Variants in GPR137C observed in about 807,000 individuals in gnomAD.
GPR137C encodes the protein integral membrane protein GPR137C.
GPR137C carries 27 observed loss-of-function variants against 43.4 expected under a neutral mutation model. The ratio of observed to expected loss-of-function variants is 0.62; its 90% confidence interval spans 0.46 to 0.86. GPR137C has a LOEUF of 0.86. GPR137C is among the 40% of genes least tolerant of loss of function. The pLI is 0.00. For missense variants in GPR137C, 522 were observed against 534.6 expected (o/e 0.98, Z 0.23); for synonymous variants, 285 against 226.9 (o/e 1.26, Z -2.30).
chr14:52,622,667 G>A (rs1195365739), intron 3 of GPR137C, among the ~76,000 whole-genome samples: 1 of 151,882 alleles, frequency 6.6e-6, no homozygotes, highest in East Asian at 1.9e-4. Context: ...GGTAAAAAAT[G>A]GTGTTCTATG....
intron 1 of GPR137C, among the ~76,000 whole-genome samples, chr14:52,585,671 T>TA (rs111694947): frequency 0.046 from 7,057 of 151,924 alleles, 510 homozygotes; most frequent in African/African-American, 0.16. Context: ...CTGTCTCTAC[T>TA]AAAAAACACA....
chr14:52,621,810 T>G (rs542584260), intron 3 of GPR137C, among the ~76,000 whole-genome samples: 14 of 151,856 alleles, frequency 9.2e-5, no homozygotes, highest in South Asian at 6.2e-4. Flanking sequence ...AAATTATTGA[T>G]GATGCCAGAG....
At chr14:52,608,299 A>AG (rs2039003923) in intron 3 of GPR137C, among the ~76,000 whole-genome samples, 1 of 152,192 alleles carries the variant, frequency 6.6e-6, no homozygotes, top group African/African-American at 2.4e-5. Flanking sequence ...CATGAGGCTT[A>AG]CAAAAAATAT....
At chr14:52,563,680 T>C (rs182179136) in intron 1 of GPR137C, among the ~76,000 whole-genome samples, 1 of 152,278 alleles carries the variant, frequency 6.6e-6, no homozygotes, top group East Asian at 1.9e-4. Context: ...TCTCCTCTTT[T>C]GTTCCCCATT....
chr14:52,600,963 G>A (rs8016583), intron 3 of GPR137C, among the ~76,000 whole-genome samples: 85,626 of 152,014 alleles, frequency 0.56, 26,922 homozygotes, highest in African/African-American at 0.86. Context: ...TGAAGGCTGT[G>A]TGATATTTGA....
intron 1 of GPR137C, among the ~76,000 whole-genome samples, chr14:52,564,401 C>T (rs1040842980): frequency 6.6e-6 from 1 of 151,980 alleles, no homozygotes; most frequent in African/African-American, 2.4e-5. Context: ...AAACTATGCT[C>T]CTCATTCCTC....
Position 52,608,690 on chromosome 14 carries a change from G to T in GPR137C, c.717+8349G>T, listed in dbSNP as rs116736375. Reference sequence around the variant, plus strand: ...TCTTTCACTTCTAAATAATAGCTTTGCTAGATAGAGTATTCTTAGAAGGCT... The same window carrying T: ...TCTTTCACTTCTAAATAATAGCTTTTCTAGATAGAGTATTCTTAGAAGGCT... On this transcript the variant is annotated intron_variant, in intron 3 of 6. Coordinates refer to ENST00000321662, the MANE Select transcript of GPR137C (RefSeq NM_001099652.2). Among the ~76,000 whole-genome samples, 810 of 151,500 alleles carry T rather than the reference G, an allele frequency of 5.3e-3. 10 individuals carry two copies. The highest frequency in any genetic ancestry group is 0.019 in the African/African-American group (772 of 41,334).
At chr14:52,610,626 C>G (rs575108603) in intron 3 of GPR137C, among the ~76,000 whole-genome samples, 1 of 152,270 alleles carries the variant, frequency 6.6e-6, no homozygotes, top group African/African-American at 2.4e-5. Context: ...TCCATAGTTT[C>G]AGGTATCCAC....
At chr14:52,577,297 C>T (rs1347294821) in intron 1 of GPR137C, among the ~76,000 whole-genome samples, 1 of 146,672 alleles carries the variant, frequency 6.8e-6, no homozygotes, top group African/African-American at 2.5e-5. Flanking sequence ...TTTGTTGAAA[C>T]GAGTGAAAAT....
intron 1 of GPR137C, among the ~76,000 whole-genome samples, chr14:52,573,123 A>G (rs543242728): frequency 8.5e-5 from 13 of 152,354 alleles, no homozygotes; most frequent in East Asian, 1.9e-4. Context: ...AGAAGAATCA[A>G]TGTCGTGAAA....
At chr14:52,613,352 C>T (rs2039060805) in intron 3 of GPR137C, 1 of 151,824 alleles carries the variant, frequency 6.6e-6, no homozygotes, top group Non-Finnish European at 1.5e-5. Flanking sequence ...CTTTGTGTTA[C>T]AAACAATTCA....
chr14:52,569,485 C>T (rs565200551), intron 1 of GPR137C, among the ~76,000 whole-genome samples: 59 of 151,868 alleles, frequency 3.9e-4, no homozygotes, highest in African/African-American at 1.4e-3. Flanking sequence ...TGGATAATAA[C>T]GAACTCCTCC....
At chr14:52,591,242 T>G (rs560427073) in intron 1 of GPR137C, among the ~76,000 whole-genome samples, 2 of 152,316 alleles carry the variant, frequency 1.3e-5, no homozygotes, top group Non-Finnish European at 2.9e-5. Context: ...TGATAGACAT[T>G]TGGGTTGCTT....
chr14:52,574,824 A>G (rs1427417509), intron 1 of GPR137C, among the ~76,000 whole-genome samples: 6 of 152,210 alleles, frequency 3.9e-5, no homozygotes, highest in East Asian at 1.9e-4. Flanking sequence ...TATTAGATCT[A>G]TTTCCTTTGG....
chr14:52,560,611 A>G (rs2038267544), intron 1 of GPR137C, among the ~76,000 whole-genome samples: 2 of 152,250 alleles, frequency 1.3e-5, no homozygotes, highest in South Asian at 4.1e-4. Context: ...CCACATATAT[A>G]TAGTCAACTG....
At chr14:52,562,319 A>C (rs901815968) in intron 1 of GPR137C, among the ~76,000 whole-genome samples, 1 of 152,224 alleles carries the variant, frequency 6.6e-6, no homozygotes, top group Non-Finnish European at 1.5e-5. Context: ...GCCTCATAGA[A>C]TTACTGTGAA....
At chr14:52,568,989 C>T (rs1453816092) in intron 1 of GPR137C, among the ~76,000 whole-genome samples, 1 of 152,344 alleles carries the variant, frequency 6.6e-6, no homozygotes, top group South Asian at 2.1e-4. Flanking sequence ...ACCACTTTGC[C>T]TCCTGACTGG....
At chr14:52,630,986 C>T (rs2039287564) in intron 3 of GPR137C, among the ~76,000 whole-genome samples, 1 of 152,100 alleles carries the variant, frequency 6.6e-6, no homozygotes, top group Non-Finnish European at 1.5e-5. Flanking sequence ...ACTTGTATAC[C>T]ACAAGCAGTA....
Position 52,632,274 on chromosome 14 carries a change from C to T in GPR137C, c.832C>T (p.Pro278Ser), listed in dbSNP as rs1227334859. ...VTISQDTLES[P>S]FNYGWDNLSD... ...CATATCTCAGGATACATTAGAAAGTCCATTTAATTATGGCTGGGATAATCT... is the reference window on the plus strand; with the variant it reads ...CATATCTCAGGATACATTAGAAAGTTCATTTAATTATGGCTGGGATAATCT... Residue 278 changes from proline (P) to serine (S), a missense_variant, in exon 4 of 7, where the codon CCA (proline) becomes TCA (serine). By Grantham distance (74) the Pro-to-Ser change is moderately conservative (BLOSUM62 -1). This residue lies in a region of GPR137C where 437 missense variants were observed against 425.7 expected (regional missense o/e 1.03). Coordinates refer to ENST00000321662, the MANE Select transcript of GPR137C (RefSeq NM_001099652.2). 1 of 1,610,858 alleles carries T rather than the reference C, an allele frequency of 6.2e-7. No individual in the cohort carries two copies. Among genetic ancestry groups the T allele is most frequent in the Non-Finnish European group, 8.5e-7 (1 of 1,177,572 alleles).
Sources: allele counts gnomAD v4.1 joint callset (sites outside exome capture counted in the v4.1 genomes callset), GRCh38; gene constraint gnomAD v4.1.1; regional missense constraint gnomAD v4.1.1; transcripts MANE v1.5; gene names NCBI Gene and HGNC (gene_info 2026-07-23, HGNC 2026-07-21).